The following CTNNA3 variants were observed in gnomAD, a reference collection of about 807,000 sequenced individuals.
CTNNA3 encodes catenin alpha-3.
CTNNA3 carries 76 observed loss-of-function variants against 95.7 expected under a neutral mutation model. That is an observed-to-expected ratio of 0.79 (90% CI 0.66 to 0.96). The LOEUF is 0.96. CTNNA3 is among the 40% of genes least tolerant of loss of function. CTNNA3 has a pLI of 0.00. For synonymous variants in CTNNA3, 431 were observed against 374.4 expected (o/e 1.15, Z -1.74); for missense variants, 1,191 against 1,089.8 (o/e 1.09, Z -1.31).
At chr10:66,163,918 G>T (rs1285367002) in intron 13 of CTNNA3, among the ~76,000 whole-genome samples, 1 of 152,134 alleles carries the variant, frequency 6.6e-6, no homozygotes, top group Non-Finnish European at 1.5e-5. Context: ...CTTGAGACAT[G>T]GTAAGTACCA....
chr10:67,021,601 G>A (rs1412340935), intron 7 of CTNNA3, among the ~76,000 whole-genome samples: 1 of 151,884 alleles, frequency 6.6e-6, no homozygotes, highest in Non-Finnish European at 1.5e-5. Context: ...AGTGATATGA[G>A]AAACATGTAA....
intron 5 of CTNNA3, among the ~76,000 whole-genome samples, chr10:67,489,076 T>G (rs1848558715): frequency 6.6e-6 from 1 of 152,162 alleles, no homozygotes; most frequent in Non-Finnish European, 1.5e-5. Flanking sequence ...TATTTTTCCC[T>G]AACATGTATC....
intron 9 of CTNNA3, among the ~76,000 whole-genome samples, chr10:66,682,307 C>A (rs1299252078): frequency 6.6e-6 from 1 of 152,004 alleles, no homozygotes; most frequent in South Asian, 2.1e-4. Flanking sequence ...TTAATCTTTT[C>A]ATCTGGGGGT....
At chr10:67,018,154 A>T (rs1169727782) in intron 7 of CTNNA3, among the ~76,000 whole-genome samples, 1 of 152,134 alleles carries the variant, frequency 6.6e-6, no homozygotes, top group Non-Finnish European at 1.5e-5. Context: ...TAGGGCCAAG[A>T]CTTTGTATTT....
chr10:67,688,080 A>G (rs1840768123), intron 1 of CTNNA3, among the ~76,000 whole-genome samples: 1 of 152,234 alleles, frequency 6.6e-6, no homozygotes, highest in Non-Finnish European at 1.5e-5. Context: ...TTGACCTAAT[A>G]GCATGATATC....
intron 3 of CTNNA3, among the ~76,000 whole-genome samples, chr10:67,549,071 G>T (rs1260850219): frequency 6.6e-6 from 1 of 151,950 alleles, no homozygotes; most frequent in African/African-American, 2.4e-5. Context: ...GTTTTAGTAA[G>T]GACCTTTGAA....
intron 7 of CTNNA3, among the ~76,000 whole-genome samples, chr10:67,127,321 A>C (rs1450062687): frequency 6.6e-6 from 1 of 152,214 alleles, no homozygotes; most frequent in Non-Finnish European, 1.5e-5. Flanking sequence ...TGAAAACAAT[A>C]ATAATTCAGT....
intron 15 of CTNNA3, among the ~76,000 whole-genome samples, chr10:66,008,442 G>T (rs571520576): frequency 1.3e-5 from 2 of 152,168 alleles, no homozygotes; most frequent in African/African-American, 4.8e-5. Flanking sequence ...ATATGTTTAC[G>T]CCAGGAGCTG....
intron 7 of CTNNA3, among the ~76,000 whole-genome samples, chr10:66,845,285 A>G (rs1169198368): frequency 1.3e-5 from 2 of 152,200 alleles, no homozygotes; most frequent in East Asian, 3.8e-4. Flanking sequence ...GCTGAACATC[A>G]CTAGTCATCA....
intron 5 of CTNNA3, among the ~76,000 whole-genome samples, chr10:67,313,397 A>G (rs2132531854): frequency 6.6e-6 from 1 of 151,694 alleles, no homozygotes; most frequent in Admixed American, 6.6e-5. Flanking sequence ...GCGCCACTGC[A>G]CTCCAGCCTG....
At chr10:66,188,779 A>G (rs1335830769) in intron 13 of CTNNA3, among the ~76,000 whole-genome samples, 1 of 151,994 alleles carries the variant, frequency 6.6e-6, no homozygotes, top group African/African-American at 2.4e-5. Flanking sequence ...TTGTAGTTCT[A>G]TTTTTAGTTT....
intron 15 of CTNNA3, among the ~76,000 whole-genome samples, chr10:66,047,086 T>A (rs10996853): frequency 0.19 from 28,809 of 152,050 alleles, 3,091 homozygotes; most frequent in Middle Eastern, 0.26. Context: ...CTGAAACTAT[T>A]CTATAAAATG....
intron 15 of CTNNA3, among the ~76,000 whole-genome samples, chr10:65,993,560 G>T (rs2078587500): frequency 6.6e-6 from 1 of 152,108 alleles, no homozygotes; most frequent in Non-Finnish European, 1.5e-5. Flanking sequence ...TATAAGTAGA[G>T]ATACTTATGC....
intron 2 of CTNNA3, among the ~76,000 whole-genome samples, chr10:67,646,294 C>T (rs981021957): frequency 1.0e-4 from 15 of 150,744 alleles, no homozygotes; most frequent in African/African-American, 1.9e-4. Flanking sequence ...TGGGATTATA[C>T]ACATGAGCCA....
chr10:66,462,251 A>C (rs926671912), intron 11 of CTNNA3, among the ~76,000 whole-genome samples: 1 of 152,156 alleles, frequency 6.6e-6, no homozygotes, highest in Non-Finnish European at 1.5e-5. Context: ...CATGCTACTT[A>C]TTGACAGGAA....
intron 17 of CTNNA3, among the ~76,000 whole-genome samples, chr10:65,926,993 A>G (rs1431846996): frequency 1.3e-5 from 2 of 152,098 alleles, no homozygotes; most frequent in African/African-American, 4.8e-5. Context: ...TAGATTTTCT[A>G]TGTATGAAAG....
intron 9 of CTNNA3, among the ~76,000 whole-genome samples, chr10:66,695,924 G>A (rs1564624679): frequency 7.5e-6 from 1 of 132,936 alleles, no homozygotes; most frequent in African/African-American, 2.7e-5. Flanking sequence ...TAAGGGGGGG[G>A]GGCAATAAAA....
chr10:67,228,181 G>A (rs549573890), intron 5 of CTNNA3, among the ~76,000 whole-genome samples: 1 of 152,182 alleles, frequency 6.6e-6, no homozygotes, highest in South Asian at 2.1e-4. Flanking sequence ...CAAGATCAGA[G>A]CAGAACTAAA....
intron 7 of CTNNA3, among the ~76,000 whole-genome samples, chr10:66,855,324 T>C (rs1249681305): frequency 6.6e-6 from 1 of 152,002 alleles, no homozygotes; most frequent in Non-Finnish European, 1.5e-5. Flanking sequence ...CTGGGCATAG[T>C]ACTTTATAAA....
Sources: gnomAD v4.1 joint callset for allele counts (sites outside exome capture counted in the v4.1 genomes callset) on GRCh38, gnomAD v4.1.1 for gene constraint, MANE v1.5 for transcripts, NCBI Gene and HGNC (gene_info 2026-07-23, HGNC 2026-07-21) for gene names.